ULK4: variants seen among roughly 807,000 people sequenced by gnomAD.
The protein encoded by ULK4 is unc-51 like kinase 4.
A neutral mutation model predicts 160.6 loss-of-function variants in ULK4; 133 were observed. The ratio of observed to expected loss-of-function variants is 0.83; its 90% confidence interval spans 0.72 to 0.96. The LOEUF (loss-of-function observed/expected upper bound fraction) is 0.96. Among genes scored for constraint, ULK4 ranks in the 40% least tolerant of loss-of-function variants. The probability of loss-of-function intolerance (pLI) is 0.00; values close to 1 mark genes in which losing one functional copy is unlikely to be tolerated. For missense variants in ULK4, 1,580 were observed against 1,499.5 expected, an observed-to-expected ratio of 1.05 and a Z score of -0.89; for synonymous variants, 534 against 539.8, an observed-to-expected ratio of 0.99 and a Z score of 0.15.
At chr3:41,490,679 T>C (rs550629132) in intron 32 of ULK4, among the ~76,000 whole-genome samples, 166 of 152,314 alleles carry the variant, frequency 1.1e-3, no homozygotes, top group African/African-American at 3.9e-3. Context: ...AAATATTGAA[T>C]ATATATTTGA....
At chr3:41,841,071 T>C (rs1182634508) in intron 17 of ULK4, among the ~76,000 whole-genome samples, 1 of 140,346 alleles carries the variant, frequency 7.1e-6, no homozygotes, top group Non-Finnish European at 1.5e-5. Context: ...GCCCATCATC[T>C]GGGATGTGAG....
At chr3:41,307,159 TA>T (rs61521129) in intron 35 of ULK4, among the ~76,000 whole-genome samples, 1,269 of 126,112 alleles carry the variant, frequency 0.01, 15 homozygotes, top group African/African-American at 0.028. Context: ...ATAAATAAAT[TA>T]AAAAAAAAAA....
At chr3:41,938,058 A>G in intron 3 of ULK4, 40 bp downstream of exon 3, 1 of 1,429,778 alleles carries the variant, frequency 7.0e-7, no homozygotes, top group Non-Finnish European at 9.5e-7. Context: ...GTTTTTTTTC[A>G]ATACTATATT....
At chr3:41,297,722 G>T (rs1377277123) in intron 35 of ULK4, among the ~76,000 whole-genome samples, 1 of 152,212 alleles carries the variant, frequency 6.6e-6, no homozygotes, top group Non-Finnish European at 1.5e-5. Context: ...TCCAACACCT[G>T]AGATGCTTTC....
chr3:41,934,324 G>C (rs943751945), intron 4 of ULK4, among the ~76,000 whole-genome samples: 1 of 152,118 alleles, frequency 6.6e-6, no homozygotes, highest in Admixed American at 6.6e-5. Flanking sequence ...AGGATTTTAT[G>C]GAGTTTTCTT....
intron 17 of ULK4, among the ~76,000 whole-genome samples, chr3:41,862,747 TACAG>T (rs1366887767): frequency 6.6e-6 from 1 of 151,706 alleles, no homozygotes; most frequent in Non-Finnish European, 1.5e-5. Flanking sequence ...CTCCCGAACA[TACAG>T]AGTCAGTCAG....
At chr3:41,469,109 T>C (rs2083905374) in intron 32 of ULK4, among the ~76,000 whole-genome samples, 1 of 152,032 alleles carries the variant, frequency 6.6e-6, no homozygotes, top group Non-Finnish European at 1.5e-5. Context: ...CCCCAAAGCC[T>C]CACATCCAGG....
intron 35 of ULK4, among the ~76,000 whole-genome samples, chr3:41,300,837 T>TTATATATATA (rs66602936): frequency 1.9e-3 from 111 of 57,792 alleles, no homozygotes; most frequent in Non-Finnish European, 2.7e-3. Context: ...ATTTTACAGA[T>TTATATATATA]TATATATATA....
At chr3:41,370,089 C>T (rs2081332474) in intron 35 of ULK4, among the ~76,000 whole-genome samples, 1 of 152,012 alleles carries the variant, frequency 6.6e-6, no homozygotes, top group African/African-American at 2.4e-5. Context: ...TATCTGTGAT[C>T]TCTAGAGACA....
chr3:41,803,909 A>G (rs1292719420), intron 19 of ULK4, among the ~76,000 whole-genome samples: 3 of 152,190 alleles, frequency 2.0e-5, no homozygotes, highest in African/African-American at 7.2e-5. Context: ...GATTGGTTCC[A>G]AGTCTTTGCT....
At chr3:41,805,320 T>C (rs1454391653) in intron 19 of ULK4, among the ~76,000 whole-genome samples, 1 of 152,204 alleles carries the variant, frequency 6.6e-6, no homozygotes, top group African/African-American at 2.4e-5. Flanking sequence ...TTGTGATTTT[T>C]GTACATTGAT....
chr3:41,621,216 T>C (rs910635150), intron 30 of ULK4, among the ~76,000 whole-genome samples: 9 of 152,192 alleles, frequency 5.9e-5, no homozygotes, highest in African/African-American at 1.7e-4. Context: ...TTCAATATTA[T>C]TCCTATCAAG....
intron 34 of ULK4, among the ~76,000 whole-genome samples, chr3:41,430,161 T>C (rs1019226778): frequency 6.6e-6 from 1 of 152,160 alleles, no homozygotes; most frequent in African/African-American, 2.4e-5. Flanking sequence ...CTAATAAAAC[T>C]GCAAGGGTAA....
chr3:41,390,636 T>C (rs1346621283), intron 35 of ULK4, among the ~76,000 whole-genome samples: 3 of 152,304 alleles, frequency 2.0e-5, no homozygotes, highest in South Asian at 2.1e-4. Context: ...CCAGTAGTCA[T>C]TCAGGAGCAG....
At chr3:41,681,424 C>T in intron 29 of ULK4, 84 bp downstream of exon 29, 2 of 1,570,532 alleles carry the variant, frequency 1.3e-6, no homozygotes, top group Non-Finnish European at 1.7e-6. Context: ...ATCAAGACCC[C>T]AACCCCATCA....
At chr3:41,734,670 C>A (rs1022038123) in intron 22 of ULK4, among the ~76,000 whole-genome samples, 1 of 152,138 alleles carries the variant, frequency 6.6e-6, no homozygotes, top group Non-Finnish European at 1.5e-5. Context: ...GTAGATTAAG[C>A]CCCTATTATG....
intron 34 of ULK4, among the ~76,000 whole-genome samples, chr3:41,446,198 A>G (rs2083293486): frequency 1.3e-5 from 2 of 152,214 alleles, no homozygotes; most frequent in Admixed American, 1.3e-4. Flanking sequence ...ACCAGTTAGA[A>G]TGGCAATCAT....
At chr3:41,501,140 C>A (rs960937168) in intron 32 of ULK4, among the ~76,000 whole-genome samples, 3 of 152,200 alleles carry the variant, frequency 2.0e-5, no homozygotes, top group Admixed American at 2.0e-4. Flanking sequence ...CTGGACTTCA[C>A]ACACTGCTGG....
chr3:41,376,259 A>G (rs1186098741), intron 35 of ULK4, among the ~76,000 whole-genome samples: 1 of 150,300 alleles, frequency 6.7e-6, no homozygotes, highest in Non-Finnish European at 1.5e-5. Flanking sequence ...TTGACCCAGC[A>G]ATCCCTTTTC....
Sources: gnomAD v4.1 joint callset for allele counts (sites outside exome capture counted in the v4.1 genomes callset) on GRCh38, gnomAD v4.1.1 for gene constraint, MANE v1.5 for transcripts, NCBI Gene and HGNC (gene_info 2026-07-23, HGNC 2026-07-21) for gene names.